The following NHSL2 variants were observed in gnomAD, a reference collection of about 807,000 sequenced individuals.
NHSL2 encodes the protein NHS like 2.
In NHSL2, 27 loss-of-function variants were observed where a neutral mutation model predicts 53.4. The observed-to-expected ratio is 0.51, with a 90% confidence interval of 0.37 to 0.70. NHSL2 has a LOEUF of 0.70. Ranked by LOEUF, NHSL2 falls within the 30% of genes least tolerant of loss-of-function variation. The probability of loss-of-function intolerance (pLI) is 0.00; values close to 1 mark genes in which losing one functional copy is unlikely to be tolerated. For missense variants in NHSL2, 892 were observed against 980.1 expected (o/e 0.91, Z 1.20); for synonymous variants, 408 against 404.1 (o/e 1.01, Z -0.12).
chrX:72,130,370 C>T, intron 1 of NHSL2: 2 of 1,168,697 alleles, frequency 1.7e-6, no homozygotes, highest in Non-Finnish European at 2.3e-6. Flanking sequence ...TCCTTCTCTT[C>T]CTTCTTCTTC....
chrX:72,129,051 G>A (rs765671104), intron 1 of NHSL2: 2 of 113,112 alleles, frequency 1.8e-5, no homozygotes, highest in South Asian at 7.2e-4. Flanking sequence ...GTGCCCAGGA[G>A]GGCAATGTGG....
At chrX:71,971,645 T>G (rs12014871) in intron 1 of NHSL2, among the ~76,000 whole-genome samples, 12,962 of 111,632 alleles carry the variant, frequency 0.12, 953 homozygotes, top group African/African-American at 0.24. Flanking sequence ...ATAGATATTG[T>G]TTATGAAATT....
chrX:72,004,185 C>T (rs756047735), intron 1 of NHSL2, among the ~76,000 whole-genome samples: 15 of 112,053 alleles, frequency 1.3e-4, no homozygotes, highest in Non-Finnish European at 2.4e-4. Context: ...AGGAATGTCC[C>T]GGAGACAGAG....
intron 1 of NHSL2, chrX:72,130,108 G>A: frequency 8.3e-7 from 1 of 1,211,051 alleles, no homozygotes; most frequent in African/African-American, 1.7e-5. Flanking sequence ...AGTCTGGGAT[G>A]ACGCGTGAAC....
At chrX:72,134,438 C>G (rs776318041) in intron 3 of NHSL2, 71 bp from the exon 4 acceptor site, 33 of 964,775 alleles carry the variant, frequency 3.4e-5, no homozygotes, top group Non-Finnish European at 4.4e-5. Flanking sequence ...CCAGCCTAAA[C>G]AGCCACCCTA....
At chrX:72,080,124 C>G (rs753958245) in intron 1 of NHSL2, 85 of 112,368 alleles carry the variant, frequency 7.6e-4, no homozygotes, top group African/African-American at 2.6e-3. Flanking sequence ...AGCCTAGGGA[C>G]AGGGTTTGGG....
chrX:72,085,023 A>T (rs1017974752), intron 1 of NHSL2, among the ~76,000 whole-genome samples: 7 of 112,094 alleles, frequency 6.2e-5, no homozygotes, highest in African/African-American at 2.3e-4. Flanking sequence ...TGTACCAAAG[A>T]CCAGGTTTCC....
At chrX:72,042,625 G>A (rs1162521030) in intron 1 of NHSL2, among the ~76,000 whole-genome samples, 1 of 110,726 alleles carries the variant, frequency 9.0e-6, no homozygotes, top group Non-Finnish European at 1.9e-5. Flanking sequence ...AGCTAGAAGG[G>A]GGGTTAGAAC....
intron 1 of NHSL2, among the ~76,000 whole-genome samples, chrX:72,056,375 A>G (rs1392986922): frequency 1.8e-5 from 2 of 112,088 alleles, no homozygotes; most frequent in Non-Finnish European, 1.9e-5. Context: ...TGGAGCATCC[A>G]TATAGTGGGG....
At chrX:71,939,953 T>C (rs961041678) in intron 1 of NHSL2, among the ~76,000 whole-genome samples, 3 of 111,732 alleles carry the variant, frequency 2.7e-5, no homozygotes, top group African/African-American at 9.8e-5. Context: ...TCAGGAGATA[T>C]TTGGCTAGAA....
intron 7 of NHSL2, 111 bp from the exon 8 acceptor site, chrX:72,143,142 C>T (rs192619444): frequency 7.6e-5 from 39 of 514,275 alleles, no homozygotes; most frequent in African/African-American, 7.4e-4. Context: ...CAGGTCAATA[C>T]GGCTGCTTGC....
At chrX:72,111,945 AG>A (rs1338938125) in intron 1 of NHSL2, among the ~76,000 whole-genome samples, 3 of 110,923 alleles carry the variant, frequency 2.7e-5, no homozygotes, top group East Asian at 5.7e-4. Context: ...AGTGCTATGA[AG>A]AAAAGTAAGC....
intron 1 of NHSL2, among the ~76,000 whole-genome samples, chrX:71,921,942 A>C (rs1422999505): frequency 1.8e-5 from 2 of 112,061 alleles, no homozygotes; most frequent in East Asian, 5.6e-4. Flanking sequence ...TGTATTATCC[A>C]CATTTGTATT....
intron 1 of NHSL2, among the ~76,000 whole-genome samples, chrX:71,924,482 C>T: frequency 8.9e-6 from 1 of 111,783 alleles, no homozygotes; most frequent in Middle Eastern, 4.6e-3. Flanking sequence ...TTTACCACCT[C>T]TTGAAAAGTA....
At chrX:72,068,247 G>C (rs1294634160) in intron 1 of NHSL2, among the ~76,000 whole-genome samples, 1 of 112,189 alleles carries the variant, frequency 8.9e-6, no homozygotes, top group Non-Finnish European at 1.9e-5. Flanking sequence ...TGAATGACTG[G>C]GCAGGTGAGT....
intron 1 of NHSL2, among the ~76,000 whole-genome samples, chrX:72,063,111 A>ACC (rs1306068956): frequency 4.5e-5 from 5 of 111,515 alleles, no homozygotes; most frequent in African/African-American, 1.6e-4. Context: ...GGCTGGTTCC[A>ACC]CCCCCTTGGC....
rs949804720 is a variant in NHSL2 at position 72,149,863 on chromosome X, AC to A, written c.*6290del. On this transcript the variant is annotated 3_prime_UTR_variant, in exon 8 of 8. Coordinates refer to ENST00000633930, the MANE Select transcript of NHSL2 (RefSeq NM_001013627.3). ...GAAAGGGACCAACCTCTCTCATTTC[AC>A]ACATGAGGAAGCTGAGGCCCAGAAA... 2.7e-5 allele frequency: 3 copies of A among 112,184 alleles called. No individual in the cohort carries two copies. The highest frequency in any genetic ancestry group is 5.6e-5 in the Non-Finnish European group (3 of 53,269). The allele number at this position is 112,184 out of a possible 1,213,427, so 9.2% of individuals were successfully genotyped here.
intron 1 of NHSL2, among the ~76,000 whole-genome samples, chrX:72,071,404 T>C (rs1470794473): frequency 1.8e-5 from 2 of 112,187 alleles, no homozygotes; most frequent in Non-Finnish European, 3.8e-5. Flanking sequence ...GATAACTTTT[T>C]ACATAATTGC....
rs532820305 is a variant in NHSL2 at position 71,993,231 on chromosome X, C to T, written c.280+81864C>T. ...GCCGTTTCTGGCACACTCAGCTACC[C>T]CCAGTGGCCTGGAAGCCCAGCTTTT... On this transcript the variant is annotated intron_variant, in intron 1 of 7. Coordinates refer to ENST00000633930, the MANE Select transcript of NHSL2 (RefSeq NM_001013627.3). 2.7e-5 allele frequency among the ~76,000 whole-genome samples: 3 copies of T among 112,533 alleles called. No individual in the cohort carries two copies. In the South Asian group the frequency reaches 1.1e-3, roughly 41 times the overall value.
Sources: allele counts gnomAD v4.1 joint callset (sites outside exome capture counted in the v4.1 genomes callset), GRCh38; gene constraint gnomAD v4.1.1; transcripts MANE v1.5; gene names NCBI Gene and HGNC (gene_info 2026-07-23, HGNC 2026-07-21).